The following TMEM163 variants were observed in gnomAD, a reference collection of about 807,000 sequenced individuals.
TMEM163 encodes transmembrane protein 163.
Under a neutral mutation model 29.3 loss-of-function variants are expected in TMEM163, and 17 were observed. The observed-to-expected ratio is 0.58, with a 90% confidence interval of 0.40 to 0.87. TMEM163 has a LOEUF of 0.87. TMEM163 is among the 40% of genes least tolerant of loss of function. TMEM163 has a pLI of 0.00. For synonymous variants in TMEM163, 157 were observed against 160.6 expected (o/e 0.98, Z 0.17); for missense variants, 303 against 381.5 (o/e 0.79, Z 1.71).
intron 2 of TMEM163, among the ~76,000 whole-genome samples, chr2:134,569,560 A>G (rs954335569): frequency 5.9e-5 from 9 of 152,328 alleles, no homozygotes; most frequent in African/African-American, 2.2e-4. Context: ...AATTCTAGCC[A>G]TAGTCACATC....
At chr2:134,689,552 C>A (rs771168314) in intron 2 of TMEM163, among the ~76,000 whole-genome samples, 78 of 152,200 alleles carry the variant, frequency 5.1e-4, no homozygotes, top group Non-Finnish European at 9.0e-4. Context: ...TCCTGAGAGG[C>A]CTGCTGCCAC....
intron 2 of TMEM163, among the ~76,000 whole-genome samples, chr2:134,576,819 A>G (rs2104790511): frequency 6.6e-6 from 1 of 152,314 alleles, no homozygotes; most frequent in Non-Finnish European, 1.5e-5. Context: ...CAGAAGGAAA[A>G]CACTATCTCA....
intron 2 of TMEM163, among the ~76,000 whole-genome samples, chr2:134,692,414 A>C (rs1684489384): frequency 6.6e-6 from 1 of 152,178 alleles, no homozygotes; most frequent in Non-Finnish European, 1.5e-5. Flanking sequence ...TTCCTACCCC[A>C]AGAGAAGTCA....
intron 2 of TMEM163, among the ~76,000 whole-genome samples, chr2:134,662,007 C>T (rs937287894): frequency 1.4e-4 from 20 of 143,750 alleles, no homozygotes; most frequent in Non-Finnish European, 2.4e-4. Context: ...TCTAGGCTCA[C>T]TGTAAGCTCC....
chr2:134,523,402 A>G (rs762327658), intron 4 of TMEM163, among the ~76,000 whole-genome samples: 3 of 152,206 alleles, frequency 2.0e-5, no homozygotes, highest in Non-Finnish European at 4.4e-5. Context: ...TGCGGTACTC[A>G]GTTGTTTTGT....
rs1210766952 is a variant in TMEM163 at position 134,615,435 on chromosome 2, G to A, written c.323-63344C>T. ...AAAGGGGTGAGATAATGTTGAAGAC[G>A]AAACCCATAGCAGCAGACCATCCAC... On this transcript the variant is annotated intron_variant, in intron 2 of 7. Coordinates refer to ENST00000281924, the MANE Select transcript of TMEM163 (RefSeq NM_030923.5). 2.6e-5 allele frequency among the ~76,000 whole-genome samples: 4 copies of A among 152,136 alleles called. No individual in the cohort carries two copies. In the East Asian group the frequency reaches 5.8e-4, roughly 22 times the overall value.
intron 2 of TMEM163, among the ~76,000 whole-genome samples, chr2:134,635,805 G>A (rs879677962): frequency 7.9e-5 from 12 of 152,220 alleles, no homozygotes; most frequent in African/African-American, 2.4e-4. Context: ...GGGCAAGATC[G>A]GCAAAAGTGG....
intron 2 of TMEM163, among the ~76,000 whole-genome samples, chr2:134,615,846 G>C (rs2104821279): frequency 6.6e-6 from 1 of 152,028 alleles, no homozygotes; most frequent in East Asian, 1.9e-4. Flanking sequence ...TAGTAGAGAT[G>C]GGGTTTCACC....
intron 5 of TMEM163, among the ~76,000 whole-genome samples, chr2:134,498,917 A>G (rs560226368): frequency 1.3e-5 from 2 of 152,342 alleles, no homozygotes; most frequent in Admixed American, 6.5e-5. Context: ...GTCCTGGACG[A>G]GGAGACCAGG....
chr2:134,688,333 G>T (rs932046086), intron 2 of TMEM163, among the ~76,000 whole-genome samples: 1 of 151,754 alleles, frequency 6.6e-6, no homozygotes, highest in African/African-American at 2.4e-5. Context: ...TCATGAAGAG[G>T]TTCAAAGGTC....
At chr2:134,712,660 C>T (rs1021966815) in intron 2 of TMEM163, among the ~76,000 whole-genome samples, 1 of 152,184 alleles carries the variant, frequency 6.6e-6, no homozygotes, top group Non-Finnish European at 1.5e-5. Context: ...AGAAACTGTT[C>T]CACTTCCTTA....
Position 134,650,664 on chromosome 2 carries a change from G to T in TMEM163, c.322+62536C>A, listed in dbSNP as rs1035848043. On this transcript the variant is annotated intron_variant, in intron 2 of 7. Coordinates refer to ENST00000281924, the MANE Select transcript of TMEM163 (RefSeq NM_030923.5). ...CCCACTAACTCGTCATCTAGCATTA[G>T]GTATATCTCCCAATGCTATCCCTCA... 5.6e-5 allele frequency among the ~76,000 whole-genome samples: 8 copies of T among 143,568 alleles called. 1 individual carries two copies. Among genetic ancestry groups the T allele is most frequent in the African/African-American group, 2.2e-4 (8 of 35,900 alleles). The allele number at this position is 143,568 out of a possible 152,430, so 94.2% of individuals were successfully genotyped here.
At chr2:134,537,406 G>A (rs1222440637) in intron 4 of TMEM163, among the ~76,000 whole-genome samples, 1 of 152,214 alleles carries the variant, frequency 6.6e-6, no homozygotes, top group Non-Finnish European at 1.5e-5. Context: ...CTGGCTCACA[G>A]ACTGTGTCCT....
intron 2 of TMEM163, among the ~76,000 whole-genome samples, chr2:134,677,837 A>G (rs1684148973): frequency 6.6e-6 from 1 of 152,168 alleles, no homozygotes; most frequent in African/African-American, 2.4e-5. Context: ...AACAGTTCCT[A>G]ATGAAATGGG....
At chr2:134,553,670 G>T (rs1020368110) in intron 2 of TMEM163, among the ~76,000 whole-genome samples, 29 of 152,168 alleles carry the variant, frequency 1.9e-4, no homozygotes, top group African/African-American at 6.5e-4. Context: ...CCTAACCACC[G>T]TTGTTTTTGA....
intron 5 of TMEM163, among the ~76,000 whole-genome samples, chr2:134,500,466 T>G (rs1316415957): frequency 6.6e-6 from 1 of 152,192 alleles, no homozygotes; most frequent in East Asian, 1.9e-4. Context: ...TGAAAGCTCC[T>G]TAGTTAACAA....
intron 4 of TMEM163, among the ~76,000 whole-genome samples, chr2:134,516,575 A>G (rs1019566775): frequency 6.7e-6 from 1 of 149,332 alleles, no homozygotes; most frequent in Non-Finnish European, 1.5e-5. Context: ...ATAAATAAAT[A>G]TATATATATT....
chr2:134,709,170 A>C (rs1248911056), intron 2 of TMEM163, among the ~76,000 whole-genome samples: 1 of 152,198 alleles, frequency 6.6e-6, no homozygotes, highest in African/African-American at 2.4e-5. Flanking sequence ...TTCATTATTA[A>C]AACAGACTTT....
intron 2 of TMEM163, among the ~76,000 whole-genome samples, chr2:134,591,914 A>C (rs1401424818): frequency 6.6e-6 from 1 of 151,902 alleles, no homozygotes; most frequent in African/African-American, 2.4e-5. Flanking sequence ...TGATTAAAAA[A>C]AAAAAAAAAC....
Sources: gnomAD v4.1 joint callset for allele counts (sites outside exome capture counted in the v4.1 genomes callset) on GRCh38, gnomAD v4.1.1 for gene constraint, MANE v1.5 for transcripts, NCBI Gene and HGNC (gene_info 2026-07-23, HGNC 2026-07-21) for gene names.